Variants in MOB3B observed in about 807,000 individuals in gnomAD.
MOB3B encodes MOB kinase activator-like 2B.
MOB3B carries 7 observed loss-of-function variants against 18.7 expected under a neutral mutation model. The observed-to-expected ratio is 0.37, with a 90% CI of 0.21 to 0.70. MOB3B has a LOEUF of 0.70. Ranked by LOEUF, MOB3B falls within the 30% of genes least tolerant of loss-of-function variation. MOB3B has a pLI of 0.52. For synonymous variants in MOB3B, 111 were observed against 99.9 expected (o/e 1.11, Z -0.66); for missense variants, 253 against 281.3 (o/e 0.90, Z 0.72).
intron 1 of MOB3B, among the ~76,000 whole-genome samples, chr9:27,498,630 C>G (rs968213536): frequency 6.6e-6 from 1 of 152,182 alleles, no homozygotes; most frequent in Non-Finnish European, 1.5e-5. Context: ...TGTTTATTCT[C>G]AATGTCAGAA....
chr9:27,338,944 A>G (rs1820902313), intron 3 of MOB3B, among the ~76,000 whole-genome samples: 1 of 152,210 alleles, frequency 6.6e-6, no homozygotes, highest in Admixed American at 6.5e-5. Context: ...AGGAGCCCTC[A>G]GTTGCATCCT....
intron 2 of MOB3B, among the ~76,000 whole-genome samples, chr9:27,388,986 C>T (rs1161411904): frequency 6.6e-6 from 1 of 152,156 alleles, no homozygotes; most frequent in African/African-American, 2.4e-5. Context: ...TTAGTCTTGA[C>T]AATTTCTAAT....
chr9:27,379,994 T>C (rs1024857481), intron 2 of MOB3B, among the ~76,000 whole-genome samples: 1 of 152,176 alleles, frequency 6.6e-6, no homozygotes, highest in Admixed American at 6.5e-5. Flanking sequence ...TCATTAAGTA[T>C]ATTGACACAA....
At position 27,359,122 on chromosome 9, in the gene MOB3B, G is replaced by A; in HGVS notation, c.533C>T (p.Ala178Val). The A allele has an allele frequency of 1.2e-6, 2 of 1,614,086 alleles. No homozygotes were observed. Among genetic ancestry groups the A allele is most frequent in the Non-Finnish European group, 1.7e-6 (2 of 1,180,022 alleles). ...GTAGCAGGTGTTGACATGGGCCTCT[G>A]CACCCATCACAATGACCCGGTCGAA... The part of the protein sequence containing the change: ...HHFDRVIVMG[A>V]EAHVNTCYKH... The change falls in exon 3 of 4, where the codon GCA becomes GTA. Residue 178 changes from alanine to valine, a missense_variant. Coordinates refer to ENST00000262244, the MANE Select transcript of MOB3B (RefSeq NM_024761.5).
chr9:27,359,663 C>CGA (rs1360421385), intron 2 of MOB3B, among the ~76,000 whole-genome samples: 13 of 152,168 alleles, frequency 8.5e-5, no homozygotes, highest in Non-Finnish European at 1.6e-4. Context: ...CAAAGCTTTT[C>CGA]CTGAGGTATA....
chr9:27,428,776 C>T (rs760438443), intron 2 of MOB3B, among the ~76,000 whole-genome samples: 1 of 152,172 alleles, frequency 6.6e-6, no homozygotes, highest in Non-Finnish European at 1.5e-5. Context: ...ATGCTGCATG[C>T]TCAAGGGGAC....
chr9:27,524,868 T>A (rs779344446), intron 1 of MOB3B: 1 of 1,613,940 alleles, frequency 6.2e-7, no homozygotes, highest in Non-Finnish European at 8.5e-7. Flanking sequence ...AGAAAAGAAA[T>A]ACAGTGACTG....
chr9:27,380,473 G>A (rs1264428318), intron 2 of MOB3B, among the ~76,000 whole-genome samples: 3 of 151,884 alleles, frequency 2.0e-5, no homozygotes, highest in Non-Finnish European at 4.4e-5. Context: ...TCTTGACCTC[G>A]TGATCCACCC....
chr9:27,426,953 G>A (rs542061862), intron 2 of MOB3B, among the ~76,000 whole-genome samples: 1 of 152,338 alleles, frequency 6.6e-6, no homozygotes, highest in Admixed American at 6.5e-5. Context: ...CCATGCTTGT[G>A]TGGGCAAGAT....
chr9:27,496,782 ATTAATGC>A (rs1383532241), intron 1 of MOB3B, among the ~76,000 whole-genome samples: 1 of 152,200 alleles, frequency 6.6e-6, no homozygotes, highest in African/African-American at 2.4e-5. Context: ...TTGTTCATTA[ATTAATGC>A]TTTCAGCACT....
At chr9:27,460,875 T>A (rs982889990) in intron 1 of MOB3B, among the ~76,000 whole-genome samples, 1 of 152,192 alleles carries the variant, frequency 6.6e-6, no homozygotes, top group African/African-American at 2.4e-5. Context: ...ATTACGAACA[T>A]TTTACATCAC....
At chr9:27,459,146 C>G (rs1168339726) in intron 1 of MOB3B, among the ~76,000 whole-genome samples, 1 of 152,118 alleles carries the variant, frequency 6.6e-6, no homozygotes, top group East Asian at 1.9e-4. Context: ...GCGCAGGTAC[C>G]TGAGAGTTTT....
At chr9:27,397,618 C>A (rs1054005092) in intron 2 of MOB3B, 1 of 152,104 alleles carries the variant, frequency 6.6e-6, no homozygotes, top group South Asian at 2.1e-4. Context: ...GTTCATAGAA[C>A]CCTCACAAGA....
At chr9:27,330,734 A>G in intron 3 of MOB3B, 118 bp from the exon 4 acceptor site, 4 of 1,446,564 alleles carry the variant, frequency 2.8e-6, no homozygotes, top group East Asian at 2.4e-5. Context: ...GCTTGCAAGC[A>G]TGGTCCATGA....
chr9:27,390,840 C>T (rs1052015431), intron 2 of MOB3B, among the ~76,000 whole-genome samples: 1 of 152,116 alleles, frequency 6.6e-6, no homozygotes, highest in African/African-American at 2.4e-5. Flanking sequence ...AGAGCCCTCA[C>T]GAATGGGATT....
intron 1 of MOB3B, among the ~76,000 whole-genome samples, chr9:27,481,631 C>T (rs551223747): frequency 0.012 from 1,834 of 150,980 alleles, 39 homozygotes; most frequent in African/African-American, 0.041. Flanking sequence ...GTTTATGCCA[C>T]TCTCCTGCCT....
chr9:27,525,223 G>C (rs3849939), intron 1 of MOB3B, among the ~76,000 whole-genome samples: 105,310 of 152,088 alleles, frequency 0.69, 37,132 homozygotes, highest in Non-Finnish European at 0.75. Flanking sequence ...ATTCTCTCTT[G>C]CTCTTTTCTG....
At chr9:27,350,155 G>A (rs191944729) in intron 3 of MOB3B, among the ~76,000 whole-genome samples, 45 of 147,752 alleles carry the variant, frequency 3.0e-4, no homozygotes, top group Middle Eastern at 3.5e-3. Context: ...GCCTTTTCAA[G>A]TATAAAGTTT....
intron 2 of MOB3B, among the ~76,000 whole-genome samples, chr9:27,371,390 C>T (rs1041426685): frequency 2.6e-5 from 4 of 152,064 alleles, no homozygotes; most frequent in South Asian, 2.1e-4. Flanking sequence ...GAGGGAAAGA[C>T]GGTGAGTGGA....
Sources: allele counts gnomAD v4.1 joint callset (sites outside exome capture counted in the v4.1 genomes callset), GRCh38; gene constraint gnomAD v4.1.1; transcripts MANE v1.5; gene names NCBI Gene and HGNC (gene_info 2026-07-23, HGNC 2026-07-21).